STX6: variants seen among roughly 807,000 people sequenced by gnomAD.
STX6 encodes the protein syntaxin-6.
A neutral mutation model predicts 38.0 loss-of-function variants in STX6; 23 were observed. The ratio of observed to expected loss-of-function variants is 0.60; its 90% CI spans 0.43 to 0.86. STX6 has a LOEUF of 0.86. Among genes scored for constraint, STX6 ranks in the 40% least tolerant of loss-of-function variants. STX6 has a pLI of 0.00. For missense variants in STX6, 274 were observed against 312.9 expected (o/e 0.88, Z 0.94); for synonymous variants, 123 against 107.5 (o/e 1.14, Z -0.89).
intron 3 of STX6, among the ~76,000 whole-genome samples, chr1:181,002,389 A>AACAC (rs1656106973): frequency 6.6e-6 from 1 of 152,042 alleles, no homozygotes; most frequent in Non-Finnish European, 1.5e-5. Context: ...CCTGGGCTCA[A>AACAC]GTGATCCACC....
At chr1:181,000,368 G>C (rs1218550183) in intron 3 of STX6, among the ~76,000 whole-genome samples, 3 of 152,220 alleles carry the variant, frequency 2.0e-5, no homozygotes, top group Non-Finnish European at 4.4e-5. Flanking sequence ...GAAGCCTCAG[G>C]AAACTTACAA....
intron 3 of STX6, among the ~76,000 whole-genome samples, chr1:181,002,020 A>C (rs1414117715): frequency 1.3e-5 from 2 of 152,184 alleles, no homozygotes; most frequent in African/African-American, 4.8e-5. Flanking sequence ...TCTACAAAAA[A>C]TTAGCCTGGT....
chr1:181,017,823 A>G (rs755278618), intron 1 of STX6, among the ~76,000 whole-genome samples: 30 of 152,166 alleles, frequency 2.0e-4, no homozygotes, highest in Non-Finnish European at 3.8e-4. Flanking sequence ...GCAAGGGGGA[A>G]TATTCTGGAG....
intron 1 of STX6, among the ~76,000 whole-genome samples, chr1:181,014,174 G>C (rs1203065600): frequency 6.6e-6 from 1 of 152,052 alleles, no homozygotes; most frequent in Non-Finnish European, 1.5e-5. Flanking sequence ...GAGGTGGGTG[G>C]ATCACCAGGT....
rs1427400018 is a variant in STX6 at position 180,988,314 on chromosome 1, T to A, written c.521A>T (p.Glu174Val). The change falls in exon 6 of 8, where the codon GAG becomes GTG. Residue 174 changes from glutamate (E) to valine (V), a missense_variant. By Grantham distance (121) the Glu-to-Val change is moderately radical. Transcript: ENST00000258301. ...LIVEQQDEQLELVSGSIGVLK... is the reference protein window; with the variant it reads ...LIVEQQDEQLVLVSGSIGVLK... Reference sequence around the variant, plus strand: ...CACCCCGATGCTGCCAGAGACCAGCTCCAACTGCTCATCCTGCTGTTCCAC... The same window carrying A: ...CACCCCGATGCTGCCAGAGACCAGCACCAACTGCTCATCCTGCTGTTCCAC... 6.2e-7 allele frequency: 1 copy of A among 1,613,880 alleles called. No homozygotes were observed.
chr1:180,983,655 A>C (rs954944741), intron 7 of STX6, among the ~76,000 whole-genome samples: 11 of 152,238 alleles, frequency 7.2e-5, no homozygotes, highest in Non-Finnish European at 1.3e-4. Flanking sequence ...TCAATGAAAG[A>C]ATGTTCAGGA....
chr1:180,995,979 C>T (rs980272893), intron 3 of STX6, among the ~76,000 whole-genome samples: 3 of 152,042 alleles, frequency 2.0e-5, no homozygotes, highest in Admixed American at 2.0e-4. Context: ...ATTTATTAAG[C>T]TATATGTTTA....
At chr1:181,004,162 C>T (rs531657084) in intron 2 of STX6, among the ~76,000 whole-genome samples, 25 of 152,244 alleles carry the variant, frequency 1.6e-4, no homozygotes, top group Middle Eastern at 3.4e-3. Context: ...AAAGAGGAAA[C>T]GGAAGCACAG....
At position 181,002,594 on chromosome 1, in the gene STX6, C is replaced by A; in HGVS notation, c.300+12G>T. ...TCTTATACAGATAACACAATAAGAT[C>A]ATATTCCTTACCCTGACAACTTGCC... is the stretch of plus-strand genomic sequence containing the variant. On this transcript the variant is annotated intron_variant, in intron 3 of 7. Transcript: ENST00000258301. The A allele has an allele frequency of 1.3e-6, 2 of 1,587,234 alleles. No individual in the cohort carries two copies. The highest frequency in any genetic ancestry group is 2.2e-5 in the South Asian group (2 of 90,366).
Position 181,013,955 on chromosome 1 carries a change from G to T in STX6, c.36-8492C>A, listed in dbSNP as rs1656482383. 2.6e-5 allele frequency among the ~76,000 whole-genome samples: 4 copies of T among 152,300 alleles called. No homozygotes were observed. The South Asian group carries it at 8.3e-4, about 32-fold the overall frequency. ...AAAGATGCAGATGGAAGGTATAGTG[G>T]TTGTCTTTTATGACTTAAGCTTCAG... On this transcript the variant is annotated intron_variant, in intron 1 of 7. Coordinates refer to ENST00000258301, the MANE Select transcript of STX6 (RefSeq NM_005819.6).
At chr1:180,987,544 A>C (rs1003397125) in intron 6 of STX6, among the ~76,000 whole-genome samples, 1 of 152,300 alleles carries the variant, frequency 6.6e-6, no homozygotes, top group South Asian at 2.1e-4. Context: ...TAATCAATCA[A>C]TGTGTCATGA....
At chr1:181,010,318 T>C (rs1296457047) in intron 1 of STX6, among the ~76,000 whole-genome samples, 1 of 152,172 alleles carries the variant, frequency 6.6e-6, no homozygotes, top group Non-Finnish European at 1.5e-5. Context: ...ATTCTTTTTT[T>C]TGAGACAGAA....
chr1:180,984,063 C>CAAA (rs10625558), intron 7 of STX6, among the ~76,000 whole-genome samples: 127 of 7,162 alleles, frequency 0.018, 36 homozygotes, highest in East Asian at 0.067. Flanking sequence ...GGCTCCATCT[C>CAAA]AAAAAAAAAA....
At chr1:180,997,916 C>T (rs939900577) in intron 3 of STX6, among the ~76,000 whole-genome samples, 8 of 152,100 alleles carry the variant, frequency 5.3e-5, no homozygotes, top group African/African-American at 1.4e-4. Flanking sequence ...AATTGGAGAA[C>T]GAAGAGGCAT....
At position 180,993,343 on chromosome 1, in the gene STX6, A is replaced by G. The variant is rs1418900232; in HGVS notation, c.363+20T>C. 1 of 1,379,332 alleles carries G rather than the reference A, an allele frequency of 7.2e-7. No individual in the cohort carries two copies. The highest frequency in any genetic ancestry group is 1.7e-5 in the Admixed American group (1 of 59,258). 85.4% of individuals were successfully genotyped at this position (1,379,332 alleles called of 1,614,324 possible). Reference sequence around the variant, plus strand: ...TGTATGCTTTCTGTCATTGATAATTATATTCTGATGTTTTCTCACCTGTCT... The same window carrying G: ...TGTATGCTTTCTGTCATTGATAATTGTATTCTGATGTTTTCTCACCTGTCT... On this transcript the variant is annotated intron_variant, in intron 4 of 7. Coordinates refer to ENST00000258301, the MANE Select transcript of STX6 (RefSeq NM_005819.6).
chr1:181,018,059 G>A (rs1456130552), intron 1 of STX6, among the ~76,000 whole-genome samples: 3 of 152,054 alleles, frequency 2.0e-5, no homozygotes, highest in South Asian at 4.2e-4. Flanking sequence ...CCACCCAGAA[G>A]TCTGAAGGAT....
chr1:181,010,411 C>T (rs1351373497), intron 1 of STX6, among the ~76,000 whole-genome samples: 1 of 152,072 alleles, frequency 6.6e-6, no homozygotes, highest in Non-Finnish European at 1.5e-5. Context: ...AATCGATTCT[C>T]CTGCCTCAGC....
At chr1:180,989,334 T>C (rs903274098) in intron 5 of STX6, 1 of 150,490 alleles carries the variant, frequency 6.6e-6, no homozygotes, top group Non-Finnish European at 1.5e-5. Context: ...TCTACTAAAA[T>C]ACAAAAAAAA....
chr1:181,022,720 C>T lies in STX6; in HGVS notation c.-47G>A, dbSNP rs1323570547. The T allele has an allele frequency of 1.3e-5, 21 of 1,568,318 alleles. 1 individual carries two copies. In the Middle Eastern group the frequency reaches 8.6e-4, roughly 64 times the overall value. On this transcript the variant is annotated 5_prime_UTR_variant, in exon 1 of 8. Transcript: ENST00000258301. ...TTCACCTCCTCCGCGCACAGGGCGC[C>T]CGTGCCTCCCGGTCTCCCTCCGCCC...
Sources: allele counts gnomAD v4.1 joint callset (sites outside exome capture counted in the v4.1 genomes callset), GRCh38; gene constraint gnomAD v4.1.1; transcripts MANE v1.5; gene names NCBI Gene and HGNC (gene_info 2026-07-23, HGNC 2026-07-21).